Variants in XKR4 observed in about 807,000 individuals in gnomAD.
The protein encoded by XKR4 is XK-related protein 4.
Under a neutral mutation model 53.9 loss-of-function variants are expected in XKR4, and 12 were observed. The ratio of observed to expected loss-of-function variants is 0.22; its 90% CI spans 0.14 to 0.36. XKR4 has a LOEUF of 0.36. Among genes scored for constraint, XKR4 ranks in the 10% least tolerant of loss-of-function variants. The pLI, the probability that XKR4 is intolerant of heterozygous loss-of-function variation, is 1.00. For synonymous variants in XKR4, 354 were observed against 362.4 expected (o/e 0.98, Z 0.26); for missense variants, 799 against 859.5 (o/e 0.93, Z 0.88).
intron 2 of XKR4, among the ~76,000 whole-genome samples, chr8:55,478,941 A>T (rs1392579772): frequency 6.6e-6 from 1 of 152,114 alleles, no homozygotes; most frequent in East Asian, 1.9e-4. Flanking sequence ...ACTCCCACAC[A>T]ATAATAATGG....
chr8:55,449,607 C>T (rs778858397), intron 2 of XKR4: 6 of 1,188,452 alleles, frequency 5.0e-6, no homozygotes, highest in Admixed American at 1.7e-5. Flanking sequence ...GTTGTCTTCA[C>T]GTCAAAGAAG....
At chr8:55,394,639 A>G (rs1804489638) in intron 2 of XKR4, among the ~76,000 whole-genome samples, 1 of 152,210 alleles carries the variant, frequency 6.6e-6, no homozygotes, top group Non-Finnish European at 1.5e-5. Flanking sequence ...CAGCATGCTC[A>G]TAAAGAGAGT....
intron 2 of XKR4, among the ~76,000 whole-genome samples, chr8:55,518,407 C>G (rs1219147031): frequency 6.6e-6 from 1 of 151,998 alleles, no homozygotes; most frequent in Non-Finnish European, 1.5e-5. Context: ...CTCTAAGTGT[C>G]AATTCTGAAT....
chr8:55,481,491 G>C (rs1268794772), intron 2 of XKR4, among the ~76,000 whole-genome samples: 1 of 152,104 alleles, frequency 6.6e-6, no homozygotes, highest in African/African-American at 2.4e-5. Context: ...CATGGGCAAG[G>C]ACTTCATGTC....
chr8:55,521,042 C>T (rs1305506152), intron 2 of XKR4: 2 of 152,306 alleles, frequency 1.3e-5, no homozygotes, highest in African/African-American at 4.8e-5. Context: ...TGGCGCGAGC[C>T]TGACCGGCGG....
intron 2 of XKR4, among the ~76,000 whole-genome samples, chr8:55,466,204 A>T (rs1014658890): frequency 1.2e-4 from 18 of 152,206 alleles, no homozygotes; most frequent in African/African-American, 4.3e-4. Flanking sequence ...TTATTGCGGC[A>T]CTATTCACAA....
At position 55,348,691 on chromosome 8, in the gene XKR4, T is replaced by TACACACACAC. The variant is rs796321076; in HGVS notation, c.807-8965_807-8956dup. Among the ~76,000 whole-genome samples, 96 of 136,216 alleles carry TACACACACAC rather than the reference T, an allele frequency of 7.0e-4. 1 individual carries two copies. Among genetic ancestry groups the TACACACACAC allele is most frequent in the Admixed American group, 2.1e-3 (29 of 13,642 alleles). 89.4% of individuals were successfully genotyped at this position (136,216 alleles called of 152,430 possible). On this transcript the variant is annotated intron_variant, in intron 1 of 2. Coordinates refer to ENST00000327381, the MANE Select transcript of XKR4 (RefSeq NM_052898.2). ...AGAGGGAGAGAGAGACAGACAAACA[T>TACACACACAC]ACACACACACACACACACACACACA...
chr8:55,346,685 ATGTGTGTG>A (rs10685965), intron 1 of XKR4, among the ~76,000 whole-genome samples: 2,557 of 138,460 alleles, frequency 0.018, 37 homozygotes, highest in Middle Eastern at 0.045. Context: ...TGTTGAGGTT[ATGTGTGTG>A]TGTGTGTGTG....
intron 1 of XKR4, among the ~76,000 whole-genome samples, chr8:55,327,165 A>G (rs545818490): frequency 6.6e-6 from 1 of 152,336 alleles, no homozygotes; most frequent in East Asian, 1.9e-4. Context: ...TGAGAGGAAC[A>G]GGGAAATCAT....
chr8:55,112,515 G>A (rs1816245534), intron 1 of XKR4, among the ~76,000 whole-genome samples: 1 of 134,348 alleles, frequency 7.4e-6, no homozygotes, highest in African/African-American at 2.7e-5. Context: ...ACAGGTAATA[G>A]TCATGAATAA....
intron 1 of XKR4, among the ~76,000 whole-genome samples, chr8:55,241,671 C>T (rs1339873073): frequency 6.6e-6 from 1 of 152,132 alleles, no homozygotes; most frequent in African/African-American, 2.4e-5. Flanking sequence ...CAATCATTCC[C>T]CTAGGTCTCC....
chr8:55,369,732 C>T (rs550825893), intron 2 of XKR4, among the ~76,000 whole-genome samples: 12 of 151,996 alleles, frequency 7.9e-5, no homozygotes, highest in African/African-American at 2.9e-4. Flanking sequence ...TTTAATAATA[C>T]ATCACAAACA....
chr8:55,522,285 GTGAT>G (rs1806808763), intron 2 of XKR4, among the ~76,000 whole-genome samples: 1 of 152,192 alleles, frequency 6.6e-6, no homozygotes, highest in South Asian at 2.1e-4. Flanking sequence ...AATAAGAGGA[GTGAT>G]TGAAAAATAA....
chr8:55,229,771 A>C (rs1818005942), intron 1 of XKR4, among the ~76,000 whole-genome samples: 1 of 152,132 alleles, frequency 6.6e-6, no homozygotes, highest in African/African-American at 2.4e-5. Context: ...GCCCCCCTAC[A>C]GAAGCTTAGT....
intron 2 of XKR4, among the ~76,000 whole-genome samples, chr8:55,443,847 AAAAAAAAG>A (rs1047841997): frequency 1.1e-4 from 16 of 142,990 alleles, no homozygotes; most frequent in Non-Finnish European, 1.7e-4. Flanking sequence ...CTCAAAAAAA[AAAAAAAAG>A]AAAGAAAAGA....
intron 2 of XKR4, among the ~76,000 whole-genome samples, chr8:55,499,276 T>G (rs1044935100): frequency 6.6e-6 from 1 of 152,208 alleles, no homozygotes; most frequent in Admixed American, 6.5e-5. Flanking sequence ...TATCATTATT[T>G]TAAATGCCTG....
At chr8:55,193,772 T>TG (rs751530526) in intron 1 of XKR4, among the ~76,000 whole-genome samples, 39 of 152,220 alleles carry the variant, frequency 2.6e-4, no homozygotes, top group Non-Finnish European at 5.3e-4. Context: ...CCAGATCCCC[T>TG]GCCACAGTCA....
At chr8:55,424,679 T>C (rs970761089) in intron 2 of XKR4, among the ~76,000 whole-genome samples, 2 of 152,228 alleles carry the variant, frequency 1.3e-5, no homozygotes, top group African/African-American at 4.8e-5. Flanking sequence ...TTGTGTGTAA[T>C]TCACTTTGGG....
At chr8:55,264,873 C>G (rs545778268) in intron 1 of XKR4, among the ~76,000 whole-genome samples, 1 of 152,278 alleles carries the variant, frequency 6.6e-6, no homozygotes, top group African/African-American at 2.4e-5. Context: ...CTTTTGAAGA[C>G]AGATTGCTTT....
Sources: allele counts gnomAD v4.1 joint callset (sites outside exome capture counted in the v4.1 genomes callset), GRCh38; gene constraint gnomAD v4.1.1; transcripts MANE v1.5; gene names NCBI Gene and HGNC (gene_info 2026-07-23, HGNC 2026-07-21).